The following CA10 variants were observed in gnomAD, a reference collection of about 807,000 sequenced individuals.
CA10 encodes carbonic anhydrase 10 (inactive).
In CA10, 14 loss-of-function variants were observed where a neutral mutation model predicts 44.2. The observed-to-expected ratio is 0.32, with a 90% CI of 0.21 to 0.50. The LOEUF is 0.50. CA10 is among the 20% of genes least tolerant of loss of function. The probability of loss-of-function intolerance (pLI) is 0.99; values close to 1 mark genes in which losing one functional copy is unlikely to be tolerated. For missense variants in CA10, 350 were observed against 409.7 expected, an observed-to-expected ratio of 0.85 and a Z score of 1.26; for synonymous variants, 159 against 141.6, an observed-to-expected ratio of 1.12 and a Z score of -0.87.
intron 3 of CA10, among the ~76,000 whole-genome samples, chr17:51,755,360 T>C (rs1050246548): frequency 2.0e-5 from 3 of 152,280 alleles, no homozygotes; most frequent in South Asian, 2.1e-4. Flanking sequence ...TTAATGGAGA[T>C]AGCGCTTGTA....
At chr17:52,063,658 C>T (rs1442958497) in intron 2 of CA10, among the ~76,000 whole-genome samples, 3 of 152,194 alleles carry the variant, frequency 2.0e-5, no homozygotes, top group African/African-American at 7.2e-5. Flanking sequence ...TTTGTACATG[C>T]TGCCTCCCCT....
At chr17:51,659,466 T>C (rs1740240814) in intron 4 of CA10, among the ~76,000 whole-genome samples, 2 of 152,328 alleles carry the variant, frequency 1.3e-5, no homozygotes, top group Admixed American at 6.5e-5. Context: ...TATATATCTA[T>C]GTATATAGCC....
chr17:52,130,104 T>C lies in CA10; in HGVS notation c.61+27622A>G, dbSNP rs1183885283. Among the ~76,000 whole-genome samples the C allele has an allele frequency of 3.3e-5, 5 of 152,300 alleles. No homozygotes were observed. The East Asian group carries it at 9.6e-4, about 29-fold the overall frequency. On this transcript the variant is annotated intron_variant, in intron 1 of 8. Transcript: ENST00000451037. ...AATAAAAATTTAAACCACAATGAGATATCACCTTATTCATGTTAGAATGTC... is the reference window on the plus strand; with the variant it reads ...AATAAAAATTTAAACCACAATGAGACATCACCTTATTCATGTTAGAATGTC...
chr17:52,017,718 T>C (rs1251832709), intron 2 of CA10, among the ~76,000 whole-genome samples: 1 of 152,082 alleles, frequency 6.6e-6, no homozygotes, highest in African/African-American at 2.4e-5. Flanking sequence ...AAGACCATTT[T>C]CAGGAGAATA....
intron 2 of CA10, among the ~76,000 whole-genome samples, chr17:51,948,378 G>T (rs1279048575): frequency 6.6e-6 from 1 of 152,102 alleles, no homozygotes; most frequent in Non-Finnish European, 1.5e-5. Context: ...CCTGGCACTT[G>T]GTTCCACTCT....
At chr17:51,661,463 A>G (rs1010710523) in intron 4 of CA10, 2 of 152,224 alleles carry the variant, frequency 1.3e-5, no homozygotes, top group African/African-American at 2.4e-5. Flanking sequence ...TCTCTCATCT[A>G]TAAGAGGGAT....
At chr17:51,995,186 A>G (rs1457694846) in intron 2 of CA10, among the ~76,000 whole-genome samples, 1 of 152,058 alleles carries the variant, frequency 6.6e-6, no homozygotes, top group East Asian at 1.9e-4. Flanking sequence ...AAACCATGTA[A>G]TATGATTTAT....
At chr17:51,987,578 A>G (rs1984887467) in intron 2 of CA10, among the ~76,000 whole-genome samples, 1 of 152,042 alleles carries the variant, frequency 6.6e-6, no homozygotes, top group African/African-American at 2.4e-5. Flanking sequence ...ATGAGGAAAT[A>G]TTTACTTAAT....
chr17:51,910,416 C>T (rs73348459), intron 3 of CA10, among the ~76,000 whole-genome samples: 11,515 of 152,162 alleles, frequency 0.076, 921 homozygotes, highest in African/African-American at 0.2. Context: ...TTGTTTTGTT[C>T]TTCCTTCTAC....
intron 3 of CA10, among the ~76,000 whole-genome samples, chr17:51,896,559 T>G (rs1981075888): frequency 6.6e-6 from 1 of 152,234 alleles, no homozygotes; most frequent in Middle Eastern, 3.4e-3. Flanking sequence ...CATGCAAGTG[T>G]CTTTATGGCA....
intron 2 of CA10, among the ~76,000 whole-genome samples, chr17:51,962,343 T>C (rs1983923086): frequency 6.6e-6 from 1 of 152,186 alleles, no homozygotes. Context: ...ACTCATTTCT[T>C]CCTTGGTGCT....
At chr17:51,663,317 G>A (rs1914080392) in intron 4 of CA10, among the ~76,000 whole-genome samples, 1 of 52 alleles carries the variant, frequency 0.019, no homozygotes. Flanking sequence ...AGTGGGATGA[G>A]CCTCCTGCAC....
chr17:51,712,049 AG>A (rs1209599783), intron 4 of CA10, among the ~76,000 whole-genome samples: 1 of 152,182 alleles, frequency 6.6e-6, no homozygotes, highest in Non-Finnish European at 1.5e-5. Flanking sequence ...GCAAGACAAA[AG>A]TTGTCTTTGA....
Position 51,631,481 on chromosome 17 carries a change from T to TG in CA10, c.*102dup. The TG allele has an allele frequency of 9.2e-7, 1 of 1,090,256 alleles. No homozygotes were observed. Among genetic ancestry groups the TG allele is most frequent in the Non-Finnish European group, 1.4e-6 (1 of 708,922 alleles). The allele number at this position is 1,090,256 out of a possible 1,614,324, so 67.5% of individuals were successfully genotyped here. ...GCCAATCCCAAGAATGAATGAGGCT[T>TG]GGGGGAAAGAAGGAGAGAGAAGCAA... On this transcript the variant is annotated 3_prime_UTR_variant, in exon 9 of 9. Transcript: ENST00000451037.
chr17:51,695,949 T>C (rs1915388722), intron 4 of CA10, among the ~76,000 whole-genome samples: 1 of 152,200 alleles, frequency 6.6e-6, no homozygotes, highest in South Asian at 2.1e-4. Flanking sequence ...TTAATTCTGT[T>C]TATGTGGTGA....
rs542839935 is a variant in CA10, at chr17:51,706,568, C to G, written c.465+41065G>C. 5.3e-5 allele frequency among the ~76,000 whole-genome samples: 8 copies of G among 152,338 alleles called. 1 individual carries two copies. In the South Asian group the frequency reaches 8.3e-4, roughly 16 times the overall value. On this transcript the variant is annotated intron_variant, in intron 4 of 8. Transcript: ENST00000451037. ...GGCCTGCCTGCCGGGGCCTTTGCCC[C>G]CTATGGTCTTCTCTTGGCTAACAGC...
At chr17:51,937,728 T>C (rs994036850) in intron 2 of CA10, among the ~76,000 whole-genome samples, 7 of 152,126 alleles carry the variant, frequency 4.6e-5, no homozygotes, top group African/African-American at 1.4e-4. Flanking sequence ...AGCTAACAAA[T>C]AGTTATAACA....
chr17:51,977,734 T>C (rs1217112297), intron 2 of CA10, among the ~76,000 whole-genome samples: 1 of 152,046 alleles, frequency 6.6e-6, no homozygotes, highest in Non-Finnish European at 1.5e-5. Context: ...TGTAAAGAGG[T>C]AAAGCCATTG....
At chr17:51,818,975 A>G (rs1395695273) in intron 3 of CA10, among the ~76,000 whole-genome samples, 1 of 152,202 alleles carries the variant, frequency 6.6e-6, no homozygotes, top group Non-Finnish European at 1.5e-5. Context: ...AGGCTCCCAC[A>G]TCAAAAGCCT....
Sources: gnomAD v4.1 joint callset for allele counts (sites outside exome capture counted in the v4.1 genomes callset) on GRCh38, gnomAD v4.1.1 for gene constraint, MANE v1.5 for transcripts, NCBI Gene and HGNC (gene_info 2026-07-23, HGNC 2026-07-21) for gene names.